ZPLD1: variants seen among roughly 807,000 people sequenced by gnomAD.
The protein encoded by ZPLD1 is zona pellucida-like domain-containing protein 1.
A neutral mutation model predicts 47.2 loss-of-function variants in ZPLD1; 34 were observed. The observed-to-expected ratio is 0.72, with a 90% confidence interval of 0.55 to 0.96. The LOEUF (loss-of-function observed/expected upper bound fraction) is 0.96. ZPLD1 is among the 40% of genes least tolerant of loss of function. ZPLD1 has a pLI of 0.00. For missense variants in ZPLD1, 512 were observed against 505.8 expected (o/e 1.01, Z -0.12); for synonymous variants, 176 against 186.2 (o/e 0.95, Z 0.45).
At chr3:102,440,652 A>G (rs1025729216) in intron 3 of ZPLD1, among the ~76,000 whole-genome samples, 1 of 151,902 alleles carries the variant, frequency 6.6e-6, no homozygotes, top group African/African-American at 2.4e-5. Flanking sequence ...TTCCCTGTGC[A>G]ATGGATAAGC....
chr3:102,407,071 C>T (rs553631812), intron 7 of ZPLD1, among the ~76,000 whole-genome samples: 1 of 151,582 alleles, frequency 6.6e-6, no homozygotes, highest in African/African-American at 2.4e-5. Context: ...AGGTGTGATT[C>T]TCCTCAAATT....
At chr3:102,464,074 G>C in intron 7 of ZPLD1, 97 bp from the exon 8 acceptor site, 1 of 885,630 alleles carries the variant, frequency 1.1e-6, no homozygotes, top group Non-Finnish European at 1.8e-6. Context: ...AAGAAAGAAG[G>C]AAAAAGAAGT....
At chr3:102,430,059 A>G (rs1706998167), upstream of ZPLD1, among the ~76,000 whole-genome samples, 1 of 152,204 alleles carries the variant, frequency 6.6e-6, no homozygotes. Context: ...AAAGTCTTCA[A>G]TGATTTTCCA....
chr3:102,398,811 G>A (rs1706586015), intron 7 of ZPLD1, among the ~76,000 whole-genome samples: 1 of 152,008 alleles, frequency 6.6e-6, no homozygotes, highest in Admixed American at 6.6e-5. Context: ...TGGATTCTTG[G>A]CTCATGCTCT....
intron 3 of ZPLD1, among the ~76,000 whole-genome samples, chr3:102,442,823 G>A (rs1054515760): frequency 2.2e-5 from 3 of 136,796 alleles, no homozygotes; most frequent in African/African-American, 1.1e-4. Context: ...GAAGCACCAT[G>A]GTCTAATTCA....
upstream of ZPLD1, among the ~76,000 whole-genome samples, chr3:102,432,696 CTGAAAAGGTTAA>C (rs535707057): frequency 3.7e-3 from 555 of 151,976 alleles, 3 homozygotes; most frequent in African/African-American, 0.013. Flanking sequence ...CTTTATTCAT[CTGAAAAGGTTAA>C]TGCAGATTTT....
At chr3:102,471,578 A>T (rs1707686805) in intron 10 of ZPLD1, among the ~76,000 whole-genome samples, 1 of 152,220 alleles carries the variant, frequency 6.6e-6, no homozygotes, top group Non-Finnish European at 1.5e-5. Context: ...ACACAATGTA[A>T]AGGGATATAG....
chr3:102,441,387 C>G (rs1707175167), intron 3 of ZPLD1, among the ~76,000 whole-genome samples: 1 of 152,064 alleles, frequency 6.6e-6, no homozygotes, highest in Non-Finnish European at 1.5e-5. Context: ...CTTGTTTCAC[C>G]TCAAATAAGT....
At chr3:102,418,479 C>T (rs900955900) in intron 8 of ZPLD1, among the ~76,000 whole-genome samples, 2 of 151,872 alleles carry the variant, frequency 1.3e-5, no homozygotes, top group African/African-American at 4.8e-5. Flanking sequence ...TTCAATTTAT[C>T]CCAAATATTT....
intron 3 of ZPLD1, among the ~76,000 whole-genome samples, chr3:102,447,550 T>C (rs1231071812): frequency 6.6e-6 from 1 of 152,214 alleles, no homozygotes; most frequent in Admixed American, 6.5e-5. Flanking sequence ...GTGCAAATTC[T>C]TTGAATAATT....
chr3:102,398,026 G>C (rs944302144), intron 7 of ZPLD1, among the ~76,000 whole-genome samples: 1 of 152,074 alleles, frequency 6.6e-6, no homozygotes, highest in Admixed American at 6.6e-5. Context: ...TAAGATAAAT[G>C]TGTGTGTGAA....
intron 3 of ZPLD1, among the ~76,000 whole-genome samples, chr3:102,449,335 C>T (rs1485471776): frequency 2.6e-5 from 4 of 152,200 alleles, no homozygotes; most frequent in African/African-American, 4.8e-5. Flanking sequence ...ATGTGGGTCA[C>T]GCTAATGTGT....
rs960369575 is a variant in ZPLD1, at chr3:102,457,963, G to A, written c.582+110G>A. ...CTGAAAGCCACATTAACCCTGTTAT[G>A]CCTTGGTAACATTTATCTATTTTTG... On this transcript the variant is annotated intron_variant, in intron 6 of 11. Transcript: ENST00000466937. The A allele has an allele frequency of 5.1e-6, 5 of 971,992 alleles. No individual in the cohort carries two copies. The African/African-American group carries it at 6.6e-5, about 13-fold the overall frequency. The allele number at this position is 971,992 out of a possible 1,614,324, so 60.2% of individuals were successfully genotyped here. A position where few individuals can be genotyped will look rare whatever the true frequency, so the allele number is the denominator to read the frequency against.
intron 8 of ZPLD1, among the ~76,000 whole-genome samples, chr3:102,468,230 A>C (rs1041551347): frequency 2.6e-5 from 4 of 152,192 alleles, no homozygotes; most frequent in Admixed American, 6.5e-5. Flanking sequence ...TGAAGTCCAA[A>C]ATTGAATAAT....
chr3:102,407,760 TA>T (rs1381708831), intron 7 of ZPLD1, among the ~76,000 whole-genome samples: 1 of 151,698 alleles, frequency 6.6e-6, no homozygotes, highest in Non-Finnish European at 1.5e-5. Context: ...ACATCGTTTT[TA>T]ATACTGTGTT....
chr3:102,428,805 G>T (rs1353671282), intron 8 of ZPLD1, among the ~76,000 whole-genome samples: 2 of 151,110 alleles, frequency 1.3e-5, no homozygotes, highest in African/African-American at 4.9e-5. Flanking sequence ...TACATAAGAA[G>T]TTTCCATTGT....
At chr3:102,464,602 G>A (rs1707564559) in intron 8 of ZPLD1, among the ~76,000 whole-genome samples, 2 of 152,170 alleles carry the variant, frequency 1.3e-5, no homozygotes, top group Admixed American at 1.3e-4. Context: ...CTATTTATCT[G>A]CAACTAGACT....
At chr3:102,393,674 C>T (rs1706526938) in intron 7 of ZPLD1, among the ~76,000 whole-genome samples, 1 of 151,012 alleles carries the variant, frequency 6.6e-6, no homozygotes, top group Non-Finnish European at 1.5e-5. Context: ...CTGGATAAAA[C>T]ACTTAGGTTT....
At chr3:102,413,324 T>A (rs1706766881) in intron 7 of ZPLD1, among the ~76,000 whole-genome samples, 1 of 151,860 alleles carries the variant, frequency 6.6e-6, no homozygotes, top group Non-Finnish European at 1.5e-5. Flanking sequence ...TCATAGACAC[T>A]TTCTCCAAAT....
Sources: allele counts gnomAD v4.1 joint callset (sites outside exome capture counted in the v4.1 genomes callset), GRCh38; gene constraint gnomAD v4.1.1; transcripts MANE v1.5; gene names NCBI Gene and HGNC (gene_info 2026-07-23, HGNC 2026-07-21).